HIP1R: variants seen among roughly 807,000 people sequenced by gnomAD.
HIP1R encodes huntingtin-interacting protein 1-related protein.
In HIP1R, 135 loss-of-function variants were observed where a neutral mutation model predicts 144.2. The observed-to-expected ratio is 0.94, with a 90% CI of 0.81 to 1.08. The LOEUF (loss-of-function observed/expected upper bound fraction) is 1.08. Ranked by LOEUF, HIP1R falls within the 50% of genes least tolerant of loss-of-function variation. The pLI is 0.00. For synonymous variants in HIP1R, 698 were observed against 612.8 expected, an observed-to-expected ratio of 1.14 and a Z score of -2.05; for missense variants, 1,462 against 1,432.8, an observed-to-expected ratio of 1.02 and a Z score of -0.33.
intron 1 of HIP1R, among the ~76,000 whole-genome samples, chr12:122,847,623 A>AGGTGG (rs1344723501): frequency 2.6e-5 from 4 of 152,250 alleles, no homozygotes; most frequent in Non-Finnish European, 4.4e-5. Flanking sequence ...CGCAAAGGCC[A>AGGTGG]GGTGGGCCCC....
Position 122,859,435 on chromosome 12 carries a change from C to G in HIP1R, c.2305C>G (p.Pro769Ala). 6.2e-7 allele frequency: 1 copy of G among 1,613,280 alleles called. No individual in the cohort carries two copies. The highest frequency in any genetic ancestry group is 1.7e-5 in the Admixed American group (1 of 60,016). ...GILQLGQELK[P>A]KSLDVRQEEL... Reference sequence around the variant, plus strand: ...CTCCCATCCTCACCAGGAACTGAAACCCAAGAGCCTAGATGTGCGGCAGGA... The same window carrying G: ...CTCCCATCCTCACCAGGAACTGAAAGCCAAGAGCCTAGATGTGCGGCAGGA... Residue 769 changes from proline to alanine, a missense_variant, in exon 23 of 32, where the codon CCC (proline) becomes GCC (alanine). This residue lies in a region of HIP1R where 1,112 missense variants were observed against 1,011.7 expected (regional missense o/e 1.10). Transcript: ENST00000253083.
chr12:122,854,670 G>C (rs1204311091), intron 8 of HIP1R, among the ~76,000 whole-genome samples: 2 of 152,248 alleles, frequency 1.3e-5, no homozygotes, highest in Admixed American at 1.3e-4. Context: ...GGTTAGGTGA[G>C]ATGTGGCCGC....
intron 1 of HIP1R, among the ~76,000 whole-genome samples, chr12:122,841,364 G>A (rs1342433505): frequency 6.6e-6 from 1 of 152,200 alleles, no homozygotes; most frequent in African/African-American, 2.4e-5. Context: ...AGAAGTGGGA[G>A]TGTGTCATCT....
intron 4 of HIP1R, 49 bp downstream of exon 4, chr12:122,848,901 G>T (rs1319098052): frequency 6.3e-7 from 1 of 1,588,286 alleles, no homozygotes; most frequent in Non-Finnish European, 8.6e-7. Flanking sequence ...GCTTTCCTGA[G>T]CGTGTGGGGC....
At position 122,857,206 on chromosome 12, in the gene HIP1R, G is replaced by C; in HGVS notation, c.1806G>C (p.Leu602=). Residue 602 remains leucine (L), a synonymous_variant, in exon 18 of 32, where the codon CTG becomes CTC. Transcript: ENST00000253083. ...AGCAGGGCGAGTTGCAGGGCCGGCT[G>C]GCAGAGAGGGTATGGCCTCCCCAGA... ...SQEQGELQGR[L]AERESQEQGL... is the part of the protein sequence containing the mutation. 1.3e-6 allele frequency: 2 copies of C among 1,550,384 alleles called. No individual in the cohort carries two copies. Among genetic ancestry groups the C allele is most frequent in the Non-Finnish European group, 1.7e-6 (2 of 1,146,810 alleles).
chr12:122,859,384 G>GC (rs776080906), intron 22 of HIP1R, 42 bp from the exon 23 acceptor site: 16 of 1,565,230 alleles, frequency 1.0e-5, no homozygotes, highest in African/African-American at 1.4e-5. Context: ...GTGGGACGGG[G>GC]GGGGACGGAG....
intron 18 of HIP1R, 138 bp downstream of exon 18, chr12:122,857,353 C>T: frequency 9.8e-6 from 8 of 812,806 alleles, no homozygotes; most frequent in African/African-American, 1.7e-5. Context: ...TGTCCGGCTT[C>T]TTCACTCAGC....
At chr12:122,835,109 T>G, upstream of HIP1R, 1 of 908,830 alleles carries the variant, frequency 1.1e-6, no homozygotes, top group Admixed American at 2.6e-5. Context: ...TACCCTCCCC[T>G]CCGGGTTTAG....
chr12:122,848,815 G>A lies in HIP1R; in HGVS notation c.320G>A (p.Arg107Gln), dbSNP rs747076283. 8 of 1,613,140 alleles carry A rather than the reference G, an allele frequency of 5.0e-6. No homozygotes were observed. Among genetic ancestry groups the A allele is most frequent in the South Asian group, 2.2e-5 (2 of 91,094 alleles). ...GHPNVLHDCQ[R>Q]YRSNIREIGD... ...CTGCAGGTGCTGCATGACTGCCAGC[G>A]GTACCGCAGCAACATCCGGGAGATT... Residue 107 changes from arginine to glutamine, a missense_variant, in exon 4 of 32, where the codon CGG becomes CAG. Transcript: ENST00000253083.
At chr12:122,845,875 C>T (rs757186037) in intron 1 of HIP1R, among the ~76,000 whole-genome samples, 3 of 152,140 alleles carry the variant, frequency 2.0e-5, no homozygotes, top group Non-Finnish European at 2.9e-5. Context: ...TGTCTTTCCT[C>T]GCAAAGAGGA....
intron 5 of HIP1R, chr12:122,850,381 TGG>T (rs1454859342): frequency 9.7e-6 from 4 of 414,396 alleles, no homozygotes; most frequent in East Asian, 1.6e-4. Context: ...GGCCGCTGGG[TGG>T]GGGGGGCCCT....
chr12:122,860,477 C>A lies in HIP1R; in HGVS notation c.2614C>A (p.Leu872Ile). ...YAKNSRWTEG[L>I]ISASKAVGWG... ...CAAGAACTCGCGCTGGACCGAAGGC[C>A]TCATCTCGGCCTCCAAGGCTGTGGG... The change falls in exon 27 of 32, where the codon CTC becomes ATC. Residue 872 changes from leucine (L) to isoleucine (I), a missense_variant. Physicochemically the swap from Leu to Ile is conservative, Grantham distance 5 (BLOSUM62 2). This residue lies in a region of HIP1R where 1,112 missense variants were observed against 1,011.7 expected (regional missense o/e 1.10). Coordinates refer to ENST00000253083, the MANE Select transcript of HIP1R (RefSeq NM_003959.3). 6.2e-7 allele frequency: 1 copy of A among 1,613,318 alleles called. No individual in the cohort carries two copies. The highest frequency in any genetic ancestry group is 8.5e-7 in the Non-Finnish European group (1 of 1,180,010).
intron 1 of HIP1R, among the ~76,000 whole-genome samples, chr12:122,844,198 G>C (rs2033143595): frequency 6.6e-6 from 1 of 152,116 alleles, no homozygotes; most frequent in Non-Finnish European, 1.5e-5. Context: ...CAGTGCAGTG[G>C]TGCTATCATG....
At chr12:122,837,212 C>T (rs1411145473) in intron 1 of HIP1R, among the ~76,000 whole-genome samples, 1 of 152,024 alleles carries the variant, frequency 6.6e-6, no homozygotes, top group Non-Finnish European at 1.5e-5. Context: ...ATTGATCTTA[C>T]TCTTAAATGA....
intron 1 of HIP1R, among the ~76,000 whole-genome samples, chr12:122,839,904 C>T (rs1026494019): frequency 2.0e-5 from 3 of 152,354 alleles, no homozygotes; most frequent in South Asian, 2.1e-4. Flanking sequence ...CACCGGCCAG[C>T]GGCTACCGTG....
chr12:122,857,449 G>A, intron 18 of HIP1R: 1 of 595,712 alleles, frequency 1.7e-6, no homozygotes, highest in Non-Finnish European at 3.0e-6. Context: ...CGTGTGGACA[G>A]ACCACATTGT....
At chr12:122,855,465 G>T (rs2033538282) in intron 11 of HIP1R, 60 bp downstream of exon 11, 10 of 1,547,650 alleles carry the variant, frequency 6.5e-6, no homozygotes, top group Non-Finnish European at 8.7e-7. Flanking sequence ...AGGCCAACGG[G>T]AGTGTCGGGT....
Position 122,855,339 on chromosome 12 carries a change from C to A in HIP1R, c.927C>A (p.Ala309=). 1 of 1,610,256 alleles carries A rather than the reference C, an allele frequency of 6.2e-7. No homozygotes were observed. ...CGGTGGTGGTGATCCCCGAGGAGGC[C>A]CCGGAAGATGAGGAGCCGGAGAATC... ...IKPVVVIPEE[A]PEDEEPENLI... Residue 309 remains alanine, a synonymous_variant, in exon 11 of 32, where the codon GCC becomes GCA. Transcript: ENST00000253083.
In HIP1R at chr12:122,851,187, G is replaced by A. The variant is rs755802318; in HGVS notation, c.516-49G>A. 3.4e-6 allele frequency: 5 copies of A among 1,458,384 alleles called. No homozygotes were observed. In the African/African-American group the frequency reaches 5.9e-5, roughly 17 times the overall value. 90.3% of individuals were successfully genotyped at this position (1,458,384 alleles called of 1,614,324 possible). A position where few individuals can be genotyped will look rare whatever the true frequency, so the allele number is the denominator to read the frequency against. On this transcript the variant is annotated intron_variant, in intron 6 of 31. Coordinates refer to ENST00000253083, the MANE Select transcript of HIP1R (RefSeq NM_003959.3). ...GGAGGGGGCGTCTCAGGACGAGTGG[G>A]TGGGTCCACCCACCCTTTTTCATTT...
Sources: gnomAD v4.1 joint callset for allele counts (sites outside exome capture counted in the v4.1 genomes callset) on GRCh38, gnomAD v4.1.1 for gene constraint, gnomAD v4.1.1 regional missense constraint, MANE v1.5 for transcripts, NCBI Gene and HGNC (gene_info 2026-07-23, HGNC 2026-07-21) for gene names.